NTM: variants seen among roughly 807,000 people sequenced by gnomAD.
NTM encodes neurotrimin.
NTM carries 13 observed loss-of-function variants against 42.1 expected under a neutral mutation model. The ratio of observed to expected loss-of-function variants is 0.31; its 90% CI spans 0.20 to 0.49. The LOEUF is 0.49. Among genes scored for constraint, NTM ranks in the 20% least tolerant of loss-of-function variants. The pLI is 0.99. For missense variants in NTM, 373 were observed against 452.8 expected (o/e 0.82, Z 1.60); for synonymous variants, 187 against 179.2 (o/e 1.04, Z -0.35).
chr11:132,211,161 T>C (rs2082767151), intron 3 of NTM, among the ~76,000 whole-genome samples: 1 of 152,216 alleles, frequency 6.6e-6, no homozygotes, highest in Non-Finnish European at 1.5e-5. Context: ...GCGTGCACTT[T>C]GATAGGCTGA....
chr11:131,747,384 T>C (rs968589813), intron 1 of NTM, among the ~76,000 whole-genome samples: 1 of 152,216 alleles, frequency 6.6e-6, no homozygotes, highest in Non-Finnish European at 1.5e-5. Flanking sequence ...CACACATATC[T>C]GTGCCTTTGG....
chr11:131,875,777 T>C (rs1286779713), intron 1 of NTM, among the ~76,000 whole-genome samples: 1 of 152,180 alleles, frequency 6.6e-6, no homozygotes, highest in African/African-American at 2.4e-5. Context: ...GAGCTGGAAG[T>C]GGCCAGCTGG....
chr11:131,523,617 C>T (rs1278603802), intron 1 of NTM, among the ~76,000 whole-genome samples: 3 of 151,670 alleles, frequency 2.0e-5, no homozygotes, highest in Non-Finnish European at 4.4e-5. Flanking sequence ...GGTGAAAACC[C>T]CATCTCTACT....
chr11:132,314,246 A>ACAGCTGGCAGGGGTTATTTGTTGT (rs1250487867), intron 6 of NTM, among the ~76,000 whole-genome samples: 1 of 152,194 alleles, frequency 6.6e-6, no homozygotes, highest in African/African-American at 2.4e-5. Context: ...TGAATGCCAC[A>ACAGCTGGCAGGGGTTATTTGTTGT]CAGCTGGCAG....
At chr11:132,114,659 C>T (rs10894503) in intron 2 of NTM, among the ~76,000 whole-genome samples, 63,367 of 151,914 alleles carry the variant, frequency 0.42, 13,693 homozygotes, top group African/African-American at 0.51. Flanking sequence ...TTTTAAACTC[C>T]GAACTAGAAT....
chr11:132,206,571 A>G (rs2082019151), intron 3 of NTM, among the ~76,000 whole-genome samples: 1 of 152,238 alleles, frequency 6.6e-6, no homozygotes, highest in Non-Finnish European at 1.5e-5. Context: ...AGAGCAAGAC[A>G]CAGGCAGGTG....
At chr11:132,071,514 A>G (rs929157336) in intron 2 of NTM, among the ~76,000 whole-genome samples, 1 of 152,250 alleles carries the variant, frequency 6.6e-6, no homozygotes, top group Admixed American at 6.5e-5. Flanking sequence ...CCTTCCTATC[A>G]GTGAGGAGAT....
At chr11:132,150,615 A>T (rs2071682854) in intron 3 of NTM, among the ~76,000 whole-genome samples, 1 of 152,208 alleles carries the variant, frequency 6.6e-6, no homozygotes, top group Admixed American at 6.5e-5. Flanking sequence ...TTGTTGAAAA[A>T]GATGGAGTAA....
In NTM at chr11:131,628,031, G is replaced by A. The variant is rs141622273; in HGVS notation, c.82+257143G>A. Reference sequence around the variant, plus strand: ...GCCCTAAGTCCCCTGCAACTTAAATGTCTATGGTAATTGTCATGTTTGCAA... The same window carrying A: ...GCCCTAAGTCCCCTGCAACTTAAATATCTATGGTAATTGTCATGTTTGCAA... On this transcript the variant is annotated intron_variant, in intron 1 of 8. Coordinates refer to ENST00000683400, the MANE Select transcript of NTM (RefSeq NM_001352005.2). 6.5e-3 allele frequency among the ~76,000 whole-genome samples: 994 copies of A among 152,278 alleles called. 11 individuals carry two copies. The highest frequency in any genetic ancestry group is 0.022 in the African/African-American group (931 of 41,548).
At chr11:132,099,905 A>C (rs2061434794) in intron 2 of NTM, among the ~76,000 whole-genome samples, 1 of 151,756 alleles carries the variant, frequency 6.6e-6, no homozygotes, top group Non-Finnish European at 1.5e-5. Flanking sequence ...CCTCCTTAAA[A>C]CCTTAACACC....
intron 2 of NTM, among the ~76,000 whole-genome samples, chr11:131,969,808 T>C (rs1258298939): frequency 1.3e-5 from 2 of 152,200 alleles, no homozygotes; most frequent in Non-Finnish European, 1.5e-5. Flanking sequence ...GAAAGAGCGA[T>C]GATAAATTTT....
chr11:132,041,992 A>C (rs1594039177), intron 2 of NTM, among the ~76,000 whole-genome samples: 1 of 152,190 alleles, frequency 6.6e-6, no homozygotes, highest in Non-Finnish European at 1.5e-5. Context: ...TTAGATTTCC[A>C]ACCTGAGGAT....
At chr11:132,249,170 G>A (rs924852737) in intron 4 of NTM, among the ~76,000 whole-genome samples, 3 of 152,188 alleles carry the variant, frequency 2.0e-5, no homozygotes, top group African/African-American at 7.2e-5. Context: ...CATCAGCAAA[G>A]CAATCATATT....
chr11:132,252,567 C>A (rs2092061684), intron 4 of NTM, among the ~76,000 whole-genome samples: 1 of 151,960 alleles, frequency 6.6e-6, no homozygotes, highest in African/African-American at 2.4e-5. Context: ...CACCTGAGGC[C>A]AGAGATGTAG....
chr11:131,794,550 C>T (rs1481663303), intron 1 of NTM: 1 of 984,494 alleles, frequency 1.0e-6, no homozygotes, highest in Non-Finnish European at 1.2e-6. Flanking sequence ...TTTACCTATT[C>T]ATTCACTGAG....
chr11:131,955,619 C>T (rs1048810359), intron 2 of NTM, among the ~76,000 whole-genome samples: 6 of 152,046 alleles, frequency 3.9e-5, no homozygotes, highest in Non-Finnish European at 5.9e-5. Context: ...CTTAGGAAGC[C>T]GACTTTCCTA....
At chr11:132,238,493 C>T (rs530264501) in intron 4 of NTM, among the ~76,000 whole-genome samples, 38 of 152,262 alleles carry the variant, frequency 2.5e-4, no homozygotes, top group African/African-American at 8.9e-4. Context: ...TTCTGTTTGG[C>T]ATCTTCAGAA....
At chr11:131,414,594 T>C (rs1235404298) in intron 1 of NTM, among the ~76,000 whole-genome samples, 1 of 152,090 alleles carries the variant, frequency 6.6e-6, no homozygotes, top group Non-Finnish European at 1.5e-5. Flanking sequence ...CTCTGTGAGG[T>C]TCTTTGGATG....
At chr11:132,220,624 C>G (rs1384184220) in intron 4 of NTM, among the ~76,000 whole-genome samples, 1 of 152,038 alleles carries the variant, frequency 6.6e-6, no homozygotes, top group Non-Finnish European at 1.5e-5. Flanking sequence ...GTGGTTTTAC[C>G]CAATTATTTT....
Sources: allele counts gnomAD v4.1 joint callset (sites outside exome capture counted in the v4.1 genomes callset), GRCh38; gene constraint gnomAD v4.1.1; transcripts MANE v1.5; gene names NCBI Gene and HGNC (gene_info 2026-07-23, HGNC 2026-07-21).